The following EIF4ENIF1 variants were observed in gnomAD, a reference collection of about 807,000 sequenced individuals.
EIF4ENIF1 encodes eukaryotic translation initiation factor 4E transporter.
In EIF4ENIF1, 23 loss-of-function variants were observed where a neutral mutation model predicts 110.5. The ratio of observed to expected loss-of-function variants is 0.21; its 90% CI spans 0.15 to 0.29. EIF4ENIF1 has a LOEUF of 0.29. EIF4ENIF1 is among the 10% of genes least tolerant of loss of function. The pLI is 1.00. For missense variants in EIF4ENIF1, 1,031 were observed against 1,221.1 expected (o/e 0.84, Z 2.32); for synonymous variants, 440 against 437.0 (o/e 1.01, Z -0.09).
In EIF4ENIF1 at chr22:31,458,033, G is replaced by A. The variant is rs376268284; in HGVS notation, c.963+442C>T. 1.3e-4 allele frequency among the ~76,000 whole-genome samples: 20 copies of A among 152,062 alleles called. No individual in the cohort carries two copies. The East Asian group carries it at 2.7e-3, about 21-fold the overall frequency. ...TCACAAGGTCAGGAGTTCAAGACCCGTCTGGCCAACATAGTGAAACCCCAT... is the reference window on the plus strand; with the variant it reads ...TCACAAGGTCAGGAGTTCAAGACCCATCTGGCCAACATAGTGAAACCCCAT... On this transcript the variant is annotated intron_variant, in intron 7 of 18. Coordinates refer to ENST00000330125, the MANE Select transcript of EIF4ENIF1 (RefSeq NM_019843.4).
intron 2 of EIF4ENIF1, among the ~76,000 whole-genome samples, chr22:31,476,669 T>C (rs112375252): frequency 0.012 from 1,864 of 151,638 alleles, 44 homozygotes; most frequent in African/African-American, 0.043. Flanking sequence ...CCAAGGCGGG[T>C]GGATCACTTA....
chr22:31,488,850 G>A (rs1171755183), intron 1 of EIF4ENIF1, 105 bp from the exon 2 acceptor site: 4 of 1,354,440 alleles, frequency 3.0e-6, no homozygotes, highest in South Asian at 1.5e-5. Flanking sequence ...AAAACAGCTA[G>A]TGTTAAAAAC....
At chr22:31,454,738 C>CTGCA (rs2050766366) in intron 9 of EIF4ENIF1, among the ~76,000 whole-genome samples, 1 of 152,136 alleles carries the variant, frequency 6.6e-6, no homozygotes, top group African/African-American at 2.4e-5. Flanking sequence ...AGATTGCTGC[C>CTGCA]TGCACCGTGG....
chr22:31,453,509 A>G (rs2050734946), intron 10 of EIF4ENIF1: 2 of 219,322 alleles, frequency 9.1e-6, no homozygotes, highest in Admixed American at 1.0e-4. Context: ...CAAGTAGCTG[A>G]GATTACAGGC....
chr22:31,450,717 GAGAC>G, intron 10 of EIF4ENIF1: 4 of 157,788 alleles, frequency 2.5e-5, no homozygotes, highest in Non-Finnish European at 3.5e-5. Context: ...AGATTTATTG[GAGAC>G]ACACACACAC....
chr22:31,481,085 C>T (rs1420480858), intron 2 of EIF4ENIF1, among the ~76,000 whole-genome samples: 2 of 152,154 alleles, frequency 1.3e-5, no homozygotes, highest in African/African-American at 4.8e-5. Context: ...AAGCTATTCT[C>T]TATGGTCTTG....
At chr22:31,461,607 A>G (rs1569084837) in intron 6 of EIF4ENIF1, 1 of 152,028 alleles carries the variant, frequency 6.6e-6, no homozygotes, top group Non-Finnish European at 1.5e-5. Flanking sequence ...TAATTTTTGT[A>G]TTTTCAATAT....
At chr22:31,470,889 G>A (rs1382992692) in intron 3 of EIF4ENIF1, among the ~76,000 whole-genome samples, 1 of 151,448 alleles carries the variant, frequency 6.6e-6, no homozygotes, top group Non-Finnish European at 1.5e-5. Flanking sequence ...GTGGGTGCCT[G>A]TAATCCCAGC....
At position 31,478,122 on chromosome 22, in the gene EIF4ENIF1, T is replaced by A. The variant is rs78578831; in HGVS notation, c.97-6205A>T. On this transcript the variant is annotated intron_variant, in intron 2 of 18. Transcript: ENST00000330125. ...CTTCCTCACTGTTTACAGCACTAAATGTGTTACCTTCCAGCATGATCCTAA... is the reference window on the plus strand; with the variant it reads ...CTTCCTCACTGTTTACAGCACTAAAAGTGTTACCTTCCAGCATGATCCTAA... Among the ~76,000 whole-genome samples the A allele has an allele frequency of 8.6e-3, 1,308 of 152,282 alleles. 20 individuals carry two copies. Among genetic ancestry groups the A allele is most frequent in the Middle Eastern group, 0.061 (18 of 294 alleles).
chr22:31,479,015 G>A (rs1212475834), intron 2 of EIF4ENIF1, among the ~76,000 whole-genome samples: 1 of 142,256 alleles, frequency 7.0e-6, no homozygotes, highest in Non-Finnish European at 1.6e-5. Context: ...TGTGTGCCCA[G>A]TTTAGTGCCA....
chr22:31,463,620 T>C lies in EIF4ENIF1; in HGVS notation c.585+61A>G, dbSNP rs369139128. The C allele has an allele frequency of 1.2e-4, 177 of 1,445,366 alleles. 5 individuals are homozygous for C. Among genetic ancestry groups the C allele is most frequent in the East Asian group, 8.4e-4 (34 of 40,354 alleles). The allele number at this position is 1,445,366 out of a possible 1,614,324, so 89.5% of individuals were successfully genotyped here. A position where few individuals can be genotyped will look rare whatever the true frequency, so the allele number is the denominator to read the frequency against. On this transcript the variant is annotated intron_variant, in intron 5 of 18. Coordinates refer to ENST00000330125, the MANE Select transcript of EIF4ENIF1 (RefSeq NM_019843.4). ...AAGATCGTGCCATTGCACTCCAGCC[T>C]GGGCAACAAGAGCGAAACTCCGTCT...
chr22:31,476,464 G>A (rs762121443), intron 2 of EIF4ENIF1, among the ~76,000 whole-genome samples: 2 of 152,076 alleles, frequency 1.3e-5, no homozygotes, highest in African/African-American at 2.4e-5. Flanking sequence ...TCCTATTGAC[G>A]AGGAATCAAA....
At chr22:31,443,925 T>C (rs1337068125) in intron 15 of EIF4ENIF1, among the ~76,000 whole-genome samples, 2 of 151,102 alleles carry the variant, frequency 1.3e-5, no homozygotes, top group East Asian at 2.0e-4. Context: ...CTCCCGAGTA[T>C]AGCTGGGACC....
intron 14 of EIF4ENIF1, among the ~76,000 whole-genome samples, 159 bp downstream of exon 14, chr22:31,447,265 ATT>A (rs1837077610): frequency 6.6e-6 from 1 of 152,258 alleles, no homozygotes; most frequent in African/African-American, 2.4e-5. Context: ...TATTTCCGCT[ATT>A]AAATCTATTT....
At position 31,450,858 on chromosome 22, in the gene EIF4ENIF1, C is replaced by T. The variant is rs531554905; in HGVS notation, c.1513-498G>A. 1,076 of 152,048 alleles carry T rather than the reference C, an allele frequency of 7.1e-3. 6 individuals are homozygous for T. The highest frequency in any genetic ancestry group is 9.7e-3 in the Non-Finnish European group (701 of 72,572). The allele number at this position is 152,048 out of a possible 1,614,324, so 9.4% of individuals were successfully genotyped here. A position where few individuals can be genotyped will look rare whatever the true frequency, so the allele number is the denominator to read the frequency against. Reference sequence around the variant, plus strand: ...TATATATATACTACACACACACACACACACACACACACACACACACACACA... The same window carrying T: ...TATATATATACTACACACACACACATACACACACACACACACACACACACA... On this transcript the variant is annotated intron_variant, in intron 10 of 18. Transcript: ENST00000330125.
intron 2 of EIF4ENIF1, among the ~76,000 whole-genome samples, chr22:31,478,678 A>G (rs1172720107): frequency 7.2e-6 from 1 of 138,808 alleles, no homozygotes; most frequent in Non-Finnish European, 1.6e-5. Flanking sequence ...ATGGCCGGGC[A>G]CAGTGGCTCA....
downstream of EIF4ENIF1, chr22:31,437,257 C>T (rs1249519418): frequency 6.6e-6 from 1 of 152,206 alleles, no homozygotes; most frequent in Non-Finnish European, 1.5e-5. Context: ...GTTTTACTTT[C>T]AGGATGCCTT....
intron 12 of EIF4ENIF1, 111 bp downstream of exon 12, chr22:31,449,237 T>C: frequency 1.8e-6 from 2 of 1,130,012 alleles, no homozygotes; most frequent in Non-Finnish European, 2.5e-6. Flanking sequence ...CTCAAACTTC[T>C]GACCTCAGGT....
At chr22:31,490,471 G>A (rs2052237879), upstream of EIF4ENIF1, among the ~76,000 whole-genome samples, 1 of 152,216 alleles carries the variant, frequency 6.6e-6, no homozygotes, top group Admixed American at 6.5e-5. Context: ...GCTTATGCGC[G>A]AGTACTGGTT....
Sources: gnomAD v4.1 joint callset for allele counts (sites outside exome capture counted in the v4.1 genomes callset) on GRCh38, gnomAD v4.1.1 for gene constraint, MANE v1.5 for transcripts, NCBI Gene and HGNC (gene_info 2026-07-23, HGNC 2026-07-21) for gene names.